The following NBAS variants were observed in gnomAD, a reference collection of about 807,000 sequenced individuals.
NBAS encodes the protein NBAS subunit of NRZ tethering complex.
NBAS carries 219 observed loss-of-function variants against 302.5 expected under a neutral mutation model. The observed-to-expected ratio is 0.72, with a 90% CI of 0.65 to 0.81. The LOEUF (loss-of-function observed/expected upper bound fraction) is 0.81. Ranked by LOEUF, NBAS falls within the 30% of genes least tolerant of loss-of-function variation. The pLI, the probability that NBAS is intolerant of heterozygous loss-of-function variation, is 0.00. For synonymous variants in NBAS, 1,118 were observed against 1,021.6 expected, an observed-to-expected ratio of 1.09 and a Z score of -1.80; for missense variants, 2,932 against 2,841.6, an observed-to-expected ratio of 1.03 and a Z score of -0.72.
intron 38 of NBAS, among the ~76,000 whole-genome samples, chr2:15,321,873 A>T (rs1018791734): frequency 2.6e-5 from 4 of 152,218 alleles, no homozygotes; most frequent in African/African-American, 4.8e-5. Flanking sequence ...CATTTGACCC[A>T]GCGATCCCAT....
the NBAS span, among the ~76,000 whole-genome samples, chr2:15,026,830 G>A: frequency 7.6e-3 from 1,158 of 152,202 alleles, 13 homozygotes; most frequent in Non-Finnish European, 0.012. Context: ...ATAAAATATG[G>A]CTTAAGATGT....
chr2:14,991,366 C>T, the NBAS span, among the ~76,000 whole-genome samples: 7 of 152,102 alleles, frequency 4.6e-5, no homozygotes, highest in Non-Finnish European at 7.4e-5. Flanking sequence ...CTTCCTCCCA[C>T]GTTGGAGGGA....
At chr2:14,918,664 C>A in the NBAS span, among the ~76,000 whole-genome samples, 2 of 152,212 alleles carry the variant, frequency 1.3e-5, no homozygotes, top group South Asian at 4.1e-4. Context: ...CTGCACTTGA[C>A]CCTGAGGGTA....
At chr2:15,499,303 T>C (rs1170419223) in intron 11 of NBAS, among the ~76,000 whole-genome samples, 1 of 152,188 alleles carries the variant, frequency 6.6e-6, no homozygotes, top group Non-Finnish European at 1.5e-5. Flanking sequence ...TAAAGACACA[T>C]GCACACATAT....
chr2:14,830,081 C>T, the NBAS span, among the ~76,000 whole-genome samples: 1,087 of 152,268 alleles, frequency 7.1e-3, 22 homozygotes, highest in African/African-American at 0.025. Context: ...TATTTCTTGA[C>T]GATCCCATTC....
the NBAS span, among the ~76,000 whole-genome samples, chr2:14,884,896 T>C: frequency 2.0e-5 from 3 of 151,804 alleles, no homozygotes; most frequent in Middle Eastern, 3.4e-3. Context: ...GTAAAGAGAG[T>C]TCAGACAGAT....
the NBAS span, among the ~76,000 whole-genome samples, chr2:14,885,439 A>G: frequency 7.9e-5 from 12 of 152,286 alleles, no homozygotes; most frequent in African/African-American, 2.9e-4. Flanking sequence ...AGTATGAATG[A>G]GGGGGAGGCA....
intron 48 of NBAS, among the ~76,000 whole-genome samples, chr2:15,202,038 G>A (rs1052338838): frequency 3.3e-5 from 5 of 152,222 alleles, no homozygotes; most frequent in Non-Finnish European, 7.3e-5. Context: ...GTAGGAAAAT[G>A]AGTGCCTGTT....
the NBAS span, among the ~76,000 whole-genome samples, chr2:15,014,603 G>A: frequency 3.7e-4 from 56 of 151,912 alleles, no homozygotes; most frequent in East Asian, 1.9e-3. Context: ...CACATCATAC[G>A]AAAACCTATG....
intron 28 of NBAS, among the ~76,000 whole-genome samples, chr2:15,390,802 T>C (rs1036362010): frequency 2.6e-5 from 4 of 152,108 alleles, no homozygotes; most frequent in Admixed American, 1.3e-4. Flanking sequence ...GAAAAATTCA[T>C]AATGTCTAGT....
At chr2:15,255,094 G>C (rs1668533086) in intron 44 of NBAS, among the ~76,000 whole-genome samples, 1 of 152,190 alleles carries the variant, frequency 6.6e-6, no homozygotes, top group African/African-American at 2.4e-5. Context: ...CTAGTGGGTT[G>C]CTGGATCAAA....
At chr2:15,130,615 C>A in the NBAS span, among the ~76,000 whole-genome samples, 1 of 152,250 alleles carries the variant, frequency 6.6e-6, no homozygotes, top group Non-Finnish European at 1.5e-5. Flanking sequence ...GGCAGGGCCA[C>A]AGGGCCCCCA....
chr2:14,785,625 T>C, the NBAS span, among the ~76,000 whole-genome samples: 4 of 152,344 alleles, frequency 2.6e-5, no homozygotes, highest in Admixed American at 6.5e-5. Context: ...ATTACATTTA[T>C]TGATTTGTGT....
chr2:14,904,929 G>A, the NBAS span, among the ~76,000 whole-genome samples: 9 of 152,088 alleles, frequency 5.9e-5, no homozygotes, highest in African/African-American at 9.7e-5. Flanking sequence ...GGCGCCTGTA[G>A]TCCCAGCTAA....
the NBAS span, among the ~76,000 whole-genome samples, chr2:15,132,744 A>T: frequency 2.6e-5 from 4 of 150,972 alleles, no homozygotes; most frequent in Non-Finnish European, 5.9e-5. Flanking sequence ...AAACTGCTCT[A>T]AAAAAAAAGT....
chr2:14,908,646 CAATT>C, the NBAS span, among the ~76,000 whole-genome samples: 1 of 152,148 alleles, frequency 6.6e-6, no homozygotes, highest in African/African-American at 2.4e-5. Context: ...GAGCATGTGA[CAATT>C]AACATAATCA....
In NBAS at chr2:15,551,647, C is replaced by A. The variant is rs900468202; in HGVS notation, c.336-111G>T. On this transcript the variant is annotated intron_variant, in intron 5 of 51. Coordinates refer to ENST00000281513, the MANE Select transcript of NBAS (RefSeq NM_015909.4). ...CTCTATATACAATGCTCAATCATAT[C>A]TCCTCTCAGACATGGTTTTGTGGCT... is the stretch of plus-strand genomic sequence containing the variant. 38 of 709,074 alleles carry A rather than the reference C, an allele frequency of 5.4e-5. No homozygotes were observed. The African/African-American group carries it at 6.0e-4, about 11-fold the overall frequency. The allele number at this position is 709,074 out of a possible 1,614,324, so 43.9% of individuals were successfully genotyped here.
Position 15,394,321 on chromosome 2 carries a change from G to A in NBAS, c.3163C>T (p.Leu1055Phe), listed in dbSNP as rs780774161. The A allele has an allele frequency of 1.2e-6, 2 of 1,612,954 alleles. No individual in the cohort carries two copies. Among genetic ancestry groups the A allele is most frequent in the South Asian group, 1.1e-5 (1 of 91,042 alleles). The change falls in exon 28 of 52, where the codon CTC becomes TTC. Residue 1055 changes from leucine (L) to phenylalanine (F), a missense_variant. By Grantham distance (22) the Leu-to-Phe change is conservative (BLOSUM62 0). Transcript: ENST00000281513. The part of the protein sequence containing the change: ...SVSELLEKHG[L>F]EKPISFVKNT... Reference sequence around the variant, plus strand: ...TTAACAAATGAAATTGGTTTCTCGAGTCCATGTTTTTCCAAAAGCTCTGAC... The same window carrying A: ...TTAACAAATGAAATTGGTTTCTCGAATCCATGTTTTTCCAAAAGCTCTGAC...
intron 1 of NBAS, among the ~76,000 whole-genome samples, chr2:15,560,540 T>A (rs2148723073): frequency 6.6e-6 from 1 of 152,026 alleles, no homozygotes; most frequent in East Asian, 1.9e-4. Flanking sequence ...CACGAAAACA[T>A]ATTCATCTCT....
Sources: gnomAD v4.1 joint callset for allele counts (sites outside exome capture counted in the v4.1 genomes callset) on GRCh38, gnomAD v4.1.1 for gene constraint, MANE v1.5 for transcripts, NCBI Gene and HGNC (gene_info 2026-07-23, HGNC 2026-07-21) for gene names.